TTC9: variants seen among roughly 807,000 people sequenced by gnomAD.
TTC9 encodes tetratricopeptide repeat domain 9, also known as tetratricopeptide repeat protein 9A.
A neutral mutation model predicts 22.9 loss-of-function variants in TTC9; 13 were observed. The observed-to-expected ratio is 0.57, with a 90% CI of 0.37 to 0.90. The LOEUF (loss-of-function observed/expected upper bound fraction) is 0.90, where lower values mean the gene tolerates loss of function less well. Ranked by LOEUF, TTC9 falls within the 40% of genes least tolerant of loss-of-function variation. The pLI, the probability that TTC9 is intolerant of heterozygous loss-of-function variation, is 0.01. For missense variants in TTC9, 280 were observed against 291.8 expected, an observed-to-expected ratio of 0.96 and a Z score of 0.29; for synonymous variants, 148 against 133.2, an observed-to-expected ratio of 1.11 and a Z score of -0.77.
Position 70,663,719 on chromosome 14 carries a change from G to T in TTC9, c.407-3845G>T, listed in dbSNP as rs112799868. Among the ~76,000 whole-genome samples, 932 of 152,130 alleles carry T rather than the reference G, an allele frequency of 6.1e-3. 10 individuals are homozygous for T. The highest frequency in any genetic ancestry group is 0.021 in the African/African-American group (886 of 41,516). On this transcript the variant is annotated intron_variant, in intron 1 of 2. Coordinates refer to ENST00000256367, the MANE Select transcript of TTC9 (RefSeq NM_015351.2). Reference sequence around the variant, plus strand: ...GTTAGCCCCAGGTGGGTGGGGGGGCGGGTGTCAGCTCATCAGCTGATCCCA... The same window carrying T: ...GTTAGCCCCAGGTGGGTGGGGGGGCTGGTGTCAGCTCATCAGCTGATCCCA...
At chr14:70,650,366 T>C (rs1190549396) in intron 1 of TTC9, among the ~76,000 whole-genome samples, 1 of 151,302 alleles carries the variant, frequency 6.6e-6, no homozygotes, top group Non-Finnish European at 1.5e-5. Context: ...GAGGTTGCGG[T>C]GAGCCGAGAT....
In TTC9 at chr14:70,667,530, G is replaced by T. The variant is rs371687323; in HGVS notation, c.407-34G>T. 50 of 1,612,176 alleles carry T rather than the reference G, an allele frequency of 3.1e-5. No individual in the cohort carries two copies. In the East Asian group the frequency reaches 5.8e-4, roughly 19 times the overall value. The stretch of plus-strand genomic sequence containing the variant: ...GAAACATGCAGAGCTGGCCACTGTT[G>T]TGCTGATGGCATTTTCCCTCCCTTC... On this transcript the variant is annotated intron_variant, in intron 1 of 2. Coordinates refer to ENST00000256367, the MANE Select transcript of TTC9 (RefSeq NM_015351.2).
At chr14:70,670,975 T>C (rs1886285552) in intron 2 of TTC9, 101 bp from the exon 3 acceptor site, 1 of 1,151,604 alleles carries the variant, frequency 8.7e-7, no homozygotes, top group African/African-American at 1.5e-5. Flanking sequence ...TGAGTGAGCC[T>C]GGCCTGTTGG....
intron 1 of TTC9, among the ~76,000 whole-genome samples, chr14:70,654,819 G>A (rs1026352657): frequency 6.6e-5 from 10 of 152,006 alleles, no homozygotes; most frequent in Admixed American, 1.3e-4. Flanking sequence ...ACAGAAAAAG[G>A]AAAGCCACCG....
chr14:70,647,586 T>C (rs778136277), intron 1 of TTC9, among the ~76,000 whole-genome samples: 8 of 152,200 alleles, frequency 5.3e-5, no homozygotes, highest in Non-Finnish European at 1.2e-4. Context: ...CATTTAGTTA[T>C]GGGCATAATT....
chr14:70,649,308 T>C (rs1885946589), intron 1 of TTC9, among the ~76,000 whole-genome samples: 1 of 152,248 alleles, frequency 6.6e-6, no homozygotes. Flanking sequence ...CATCTGTCTC[T>C]TGTTAGGGAT....
rs1886346905 is a variant in TTC9, at chr14:70,674,870, G to T, written c.*3715G>T. Reference sequence around the variant, plus strand: ...GTTCCCAATCTTCATTGTAAATAGTGTTGCAACTGACATTCTTGTAGCTAA... The same window carrying T: ...GTTCCCAATCTTCATTGTAAATAGTTTTGCAACTGACATTCTTGTAGCTAA... On this transcript the variant is annotated 3_prime_UTR_variant, in exon 3 of 3. Transcript: ENST00000256367. 1 of 152,102 alleles carries T rather than the reference G, an allele frequency of 6.6e-6. No homozygotes were observed. The highest frequency in any genetic ancestry group is 2.1e-4 in the South Asian group (1 of 4,832). The allele number at this position is 152,102 out of a possible 1,614,324, so 9.4% of individuals were successfully genotyped here.
Position 70,672,122 on chromosome 14 carries a change from G to C in TTC9, c.*967G>C, listed in dbSNP as rs747146978. ...GAGCTACTTACAGCCAGGCAGGATG[G>C]GGCTTTCCCCAAAGCAATTGGCCGT... is the stretch of plus-strand genomic sequence containing the variant. On this transcript the variant is annotated 3_prime_UTR_variant, in exon 3 of 3. Coordinates refer to ENST00000256367, the MANE Select transcript of TTC9 (RefSeq NM_015351.2). 1 of 152,252 alleles carries C rather than the reference G, an allele frequency of 6.6e-6. No individual in the cohort carries two copies. The highest frequency in any genetic ancestry group is 1.5e-5 in the Non-Finnish European group (1 of 68,084). The allele number at this position is 152,252 out of a possible 1,614,324, so 9.4% of individuals were successfully genotyped here.
At chr14:70,649,001 C>G (rs1175089740) in intron 1 of TTC9, among the ~76,000 whole-genome samples, 1 of 152,126 alleles carries the variant, frequency 6.6e-6, no homozygotes, top group Non-Finnish European at 1.5e-5. Context: ...TACTAACAAG[C>G]TCAAGATTTC....
At position 70,671,885 on chromosome 14, in the gene TTC9, A is replaced by G. The variant is rs1886302210; in HGVS notation, c.*730A>G. 1 of 152,692 alleles carries G rather than the reference A, an allele frequency of 6.5e-6. No homozygotes were observed. The highest frequency in any genetic ancestry group is 2.4e-5 in the African/African-American group (1 of 41,450). The allele number at this position is 152,692 out of a possible 1,614,324, so 9.5% of individuals were successfully genotyped here. A position where few individuals can be genotyped will look rare whatever the true frequency, so the allele number is the denominator to read the frequency against. The stretch of plus-strand genomic sequence containing the variant: ...GCAGCTGTGACCGCAGAAGGGCAGG[A>G]TGAAGTGGGCCAAGGTTTGGGACAG... On this transcript the variant is annotated 3_prime_UTR_variant, in exon 3 of 3. Transcript: ENST00000256367.
chr14:70,659,124 ACACACACG>A (rs1322851389), intron 1 of TTC9, among the ~76,000 whole-genome samples: 22 of 122,736 alleles, frequency 1.8e-4, no homozygotes, highest in African/African-American at 6.2e-4. Flanking sequence ...AACTAAACAC[ACACACACG>A]CACACACACA....
intron 1 of TTC9, among the ~76,000 whole-genome samples, chr14:70,653,507 G>A (rs538849747): frequency 3.3e-5 from 5 of 152,334 alleles, no homozygotes; most frequent in Non-Finnish European, 5.9e-5. Context: ...AGACCACAGA[G>A]TTCCACCATG....
intron 1 of TTC9, among the ~76,000 whole-genome samples, chr14:70,658,350 T>C (rs1456613970): frequency 6.6e-6 from 1 of 152,196 alleles, no homozygotes; most frequent in East Asian, 1.9e-4. Flanking sequence ...TTAAAGATGT[T>C]CTAGAGATGT....
At chr14:70,658,014 C>T (rs1223032431) in intron 1 of TTC9, among the ~76,000 whole-genome samples, 2 of 152,198 alleles carry the variant, frequency 1.3e-5, no homozygotes, top group African/African-American at 2.4e-5. Flanking sequence ...AGGGTGCTAA[C>T]TCTCTGAGCC....
intron 1 of TTC9, among the ~76,000 whole-genome samples, chr14:70,653,766 G>C (rs977237020): frequency 6.6e-6 from 1 of 152,192 alleles, no homozygotes; most frequent in Non-Finnish European, 1.5e-5. Flanking sequence ...TCACAAGTCA[G>C]ACCAGTTGAG....
intron 1 of TTC9, among the ~76,000 whole-genome samples, chr14:70,660,946 C>G (rs1377124712): frequency 6.6e-6 from 1 of 152,234 alleles, no homozygotes; most frequent in Non-Finnish European, 1.5e-5. Context: ...AAAGCAGTGA[C>G]TAGCAAGGTA....
chr14:70,661,240 C>T (rs1886141179), intron 1 of TTC9, among the ~76,000 whole-genome samples: 2 of 152,116 alleles, frequency 1.3e-5, no homozygotes, highest in Non-Finnish European at 2.9e-5. Flanking sequence ...TTTATAAGGA[C>T]ACTAGTCAAA....
Position 70,667,781 on chromosome 14 carries a change from C to T in TTC9, c.589+35C>T, listed in dbSNP as rs767026367. On this transcript the variant is annotated intron_variant, in intron 2 of 2. Coordinates refer to ENST00000256367, the MANE Select transcript of TTC9 (RefSeq NM_015351.2). ...AAATAGCTGTTTTCTTACTTCCTCC[C>T]TGCTCTGGTGGCTCCTGGGACCTTC... 6.4e-6 allele frequency: 10 copies of T among 1,551,158 alleles called. No homozygotes were observed. In the East Asian group the frequency reaches 2.0e-4, roughly 32 times the overall value.
In TTC9 at chr14:70,665,605, A is replaced by G. The variant is rs369099496; in HGVS notation, c.407-1959A>G. On this transcript the variant is annotated intron_variant, in intron 1 of 2. Coordinates refer to ENST00000256367, the MANE Select transcript of TTC9 (RefSeq NM_015351.2). ...TTGGCTTTCTGCCCTGCAGCCAGTG[A>G]AACCTGACAGGTCAGTTTCTAGATC... 1.6e-4 allele frequency among the ~76,000 whole-genome samples: 24 copies of G among 152,306 alleles called. 1 individual carries two copies. Among genetic ancestry groups the G allele is most frequent in the East Asian group, 1.3e-3 (7 of 5,188 alleles).
Sources: gnomAD v4.1 joint callset for allele counts (sites outside exome capture counted in the v4.1 genomes callset) on GRCh38, gnomAD v4.1.1 for gene constraint, MANE v1.5 for transcripts, NCBI Gene and HGNC (gene_info 2026-07-23, HGNC 2026-07-21) for gene names.